The following FSTL5 variants were observed in gnomAD, a reference collection of about 807,000 sequenced individuals.
FSTL5 encodes the protein follistatin-related protein 5.
FSTL5 carries 62 observed loss-of-function variants against 89.1 expected under a neutral mutation model. The ratio of observed to expected loss-of-function variants is 0.70; its 90% confidence interval spans 0.57 to 0.86. The LOEUF (loss-of-function observed/expected upper bound fraction) is 0.86, where lower values mean the gene tolerates loss of function less well. Ranked by LOEUF, FSTL5 falls within the 40% of genes least tolerant of loss-of-function variation. FSTL5 has a pLI of 0.00. For missense variants in FSTL5, 1,057 were observed against 1,001.6 expected (o/e 1.06, Z -0.75); for synonymous variants, 383 against 346.2 (o/e 1.11, Z -1.18).
At position 161,384,124 on chromosome 4, in the gene FSTL5, C is replaced by CGCAT. The variant is rs760043836; in HGVS notation, c.*1619_*1622dup. 6.6e-6 allele frequency: 1 copy of CGCAT among 152,088 alleles called. No homozygotes were observed. Among genetic ancestry groups the CGCAT allele is most frequent in the Non-Finnish European group, 1.5e-5 (1 of 68,002 alleles). The allele number at this position is 152,088 out of a possible 1,614,324, so 9.4% of individuals were successfully genotyped here. A position where few individuals can be genotyped will look rare whatever the true frequency, so the allele number is the denominator to read the frequency against. The stretch of plus-strand genomic sequence containing the variant: ...TTTTTGTTGTTTATTAAATCTACCT[C>CGCAT]GCATGTTTCTGCTAAGAAGAAATCT... On this transcript the variant is annotated 3_prime_UTR_variant, in exon 16 of 16. Coordinates refer to ENST00000306100, the MANE Select transcript of FSTL5 (RefSeq NM_020116.5).
At chr4:161,822,303 C>A (rs917755336) in intron 4 of FSTL5, among the ~76,000 whole-genome samples, 7 of 152,162 alleles carry the variant, frequency 4.6e-5, no homozygotes, top group African/African-American at 1.7e-4. Flanking sequence ...CTTGTTCCGC[C>A]CACACAGCCT....
chr4:161,494,365 G>A (rs1028839108), intron 12 of FSTL5, among the ~76,000 whole-genome samples: 5 of 152,160 alleles, frequency 3.3e-5, no homozygotes, highest in East Asian at 1.9e-4. Context: ...CATGTAAAGA[G>A]GCTGGTATTT....
At chr4:162,024,280 T>C (rs139956880) in intron 3 of FSTL5, among the ~76,000 whole-genome samples, 98 of 152,312 alleles carry the variant, frequency 6.4e-4, no homozygotes, top group African/African-American at 2.4e-3. Context: ...ACATAGATCA[T>C]CAATATTTAC....
intron 6 of FSTL5, among the ~76,000 whole-genome samples, chr4:161,662,242 TG>T (rs1289518432): frequency 6.6e-6 from 1 of 152,176 alleles, no homozygotes. Flanking sequence ...ATCCAATCCT[TG>T]TTATAAACAA....
intron 7 of FSTL5, among the ~76,000 whole-genome samples, chr4:161,610,326 G>C (rs1734591471): frequency 1.3e-5 from 2 of 152,018 alleles, no homozygotes; most frequent in South Asian, 4.1e-4. Context: ...CTTTATTATA[G>C]AATCTTTAAG....
At chr4:161,712,088 A>T (rs754181597) in intron 6 of FSTL5, among the ~76,000 whole-genome samples, 4 of 152,070 alleles carry the variant, frequency 2.6e-5, no homozygotes, top group Non-Finnish European at 5.9e-5. Flanking sequence ...GTTTGTTACT[A>T]CCTCTCTTCC....
At chr4:161,802,566 A>T in intron 4 of FSTL5, among the ~76,000 whole-genome samples, 1 of 151,780 alleles carries the variant, frequency 6.6e-6, no homozygotes, top group East Asian at 1.9e-4. Context: ...TCCCAATCCC[A>T]TAGCATTAAT....
At chr4:161,781,267 G>A (rs1471826991) in intron 4 of FSTL5, among the ~76,000 whole-genome samples, 2 of 151,736 alleles carry the variant, frequency 1.3e-5, no homozygotes, top group African/African-American at 4.8e-5. Flanking sequence ...TTAATTATAA[G>A]TAGTGAAACT....
chr4:161,904,595 CAG>C (rs1733467522), intron 4 of FSTL5, among the ~76,000 whole-genome samples: 1 of 150,810 alleles, frequency 6.6e-6, no homozygotes, highest in South Asian at 2.1e-4. Context: ...AGCAGGAAGT[CAG>C]ATTATAAAAG....
At chr4:161,484,536 C>T (rs1729615334) in intron 12 of FSTL5, among the ~76,000 whole-genome samples, 1 of 152,316 alleles carries the variant, frequency 6.6e-6, no homozygotes, top group East Asian at 1.9e-4. Flanking sequence ...AATCATCCAT[C>T]TAATTATCTT....
intron 6 of FSTL5, among the ~76,000 whole-genome samples, chr4:161,684,533 T>G (rs892979743): frequency 6.6e-6 from 1 of 152,208 alleles, no homozygotes; most frequent in Non-Finnish European, 1.5e-5. Context: ...TGTTGAGCAT[T>G]TTTTCATATG....
intron 1 of FSTL5, among the ~76,000 whole-genome samples, chr4:162,151,041 G>A (rs1320713451): frequency 6.6e-6 from 1 of 152,080 alleles, no homozygotes; most frequent in African/African-American, 2.4e-5. Context: ...ACTTTAGTAT[G>A]AAATCAGGAA....
At chr4:161,429,721 T>C (rs1001791099) in intron 15 of FSTL5, among the ~76,000 whole-genome samples, 5 of 152,154 alleles carry the variant, frequency 3.3e-5, no homozygotes, top group African/African-American at 1.2e-4. Flanking sequence ...GAGTCCCTTT[T>C]AACATCTGGA....
chr4:161,615,182 T>C (rs1278468528), intron 7 of FSTL5, among the ~76,000 whole-genome samples: 1 of 150,506 alleles, frequency 6.6e-6, no homozygotes, highest in Non-Finnish European at 1.5e-5. Context: ...TAGTCCCAGC[T>C]ACTCGGGAGG....
At chr4:162,052,175 T>G (rs571432477) in intron 2 of FSTL5, among the ~76,000 whole-genome samples, 1 of 151,460 alleles carries the variant, frequency 6.6e-6, no homozygotes, top group Non-Finnish European at 1.5e-5. Context: ...GTCTAGTAAT[T>G]CTACATGTAA....
intron 8 of FSTL5, among the ~76,000 whole-genome samples, chr4:161,568,623 A>G (rs1168492160): frequency 6.6e-6 from 1 of 151,310 alleles, no homozygotes; most frequent in East Asian, 1.9e-4. Context: ...AGGTCACCCT[A>G]TGTAGGAGCT....
At chr4:161,487,984 T>G (rs977468260) in intron 12 of FSTL5, among the ~76,000 whole-genome samples, 1 of 152,080 alleles carries the variant, frequency 6.6e-6, no homozygotes, top group Middle Eastern at 3.2e-3. Flanking sequence ...TGATCAAGTC[T>G]GAGCTATTTG....
rs1294805706 is a variant in FSTL5, at chr4:162,154,070, G to C, written c.-17+9545C>G. On this transcript the variant is annotated intron_variant, in intron 1 of 15. Transcript: ENST00000306100. ...GATCCACTCGCTTCGGCCTCCCAAA[G>C]TGCTGGGATTACAGGCTTGAGCCAC... Among the ~76,000 whole-genome samples the C allele has an allele frequency of 7.2e-5, 11 of 151,828 alleles. No homozygotes were observed. The South Asian group carries it at 2.1e-3, about 29-fold the overall frequency.
At chr4:161,993,261 AT>A (rs1393991302) in intron 3 of FSTL5, among the ~76,000 whole-genome samples, 3 of 152,008 alleles carry the variant, frequency 2.0e-5, no homozygotes, top group African/African-American at 4.8e-5. Context: ...ATCATGCTCC[AT>A]TTTAAAAATG....
Sources: gnomAD v4.1 joint callset for allele counts (sites outside exome capture counted in the v4.1 genomes callset) on GRCh38, gnomAD v4.1.1 for gene constraint, MANE v1.5 for transcripts, NCBI Gene and HGNC (gene_info 2026-07-23, HGNC 2026-07-21) for gene names.